Variants in POU6F2 observed in about 807,000 individuals in gnomAD.
The protein encoded by POU6F2 is POU domain, class 6, transcription factor 2.
A neutral mutation model predicts 71.3 loss-of-function variants in POU6F2; 31 were observed. The observed-to-expected ratio is 0.43, with a 90% CI of 0.33 to 0.59. POU6F2 has a LOEUF of 0.59. Ranked by LOEUF, POU6F2 falls within the 20% of genes least tolerant of loss-of-function variation. The pLI is 0.04. For missense variants in POU6F2, 783 were observed against 856.8 expected, an observed-to-expected ratio of 0.91 and a Z score of 1.07; for synonymous variants, 347 against 355.7, an observed-to-expected ratio of 0.98 and a Z score of 0.27.
At chr7:39,180,247 C>T (rs1178001515) in intron 2 of POU6F2, among the ~76,000 whole-genome samples, 4 of 152,064 alleles carry the variant, frequency 2.6e-5, no homozygotes, top group East Asian at 1.9e-4. Context: ...GCTTTCTCAG[C>T]GGAGGGTCTA....
At chr7:39,040,157 A>AATCCAGAT (rs150469964) in intron 1 of POU6F2, among the ~76,000 whole-genome samples, 12,619 of 90,556 alleles carry the variant, frequency 0.14, 961 homozygotes, top group Non-Finnish European at 0.2. Context: ...TGACTGAGTT[A>AATCCAGAT]ATCCAGATAT....
intron 5 of POU6F2, among the ~76,000 whole-genome samples, chr7:39,396,160 A>G (rs1055647862): frequency 2.0e-5 from 3 of 152,224 alleles, no homozygotes; most frequent in African/African-American, 7.2e-5. Context: ...TTGTCTACAT[A>G]TAACTTGGAT....
Position 39,159,455 on chromosome 7 carries a change from G to A in POU6F2, c.278-44780G>A, listed in dbSNP as rs569648256. ...ATAATTAACCCAGTCAGAAGTTATT[G>A]TCCAAAGACTTACACTTTTATAGCT... On this transcript the variant is annotated intron_variant, in intron 2 of 9. Coordinates refer to ENST00000518318, the MANE Select transcript of POU6F2 (RefSeq NM_001370959.1). Among the ~76,000 whole-genome samples, 268 of 152,258 alleles carry A rather than the reference G, an allele frequency of 1.8e-3. 1 individual carries two copies. Among genetic ancestry groups the A allele is most frequent in the African/African-American group, 6.1e-3 (252 of 41,552 alleles).
chr7:39,367,536 AT>A (rs2115738224), intron 5 of POU6F2, among the ~76,000 whole-genome samples: 1 of 152,320 alleles, frequency 6.6e-6, no homozygotes, highest in African/African-American at 2.4e-5. Context: ...TTTTAAAAGC[AT>A]TTTGCCCCCA....
At chr7:39,023,366 T>A (rs1215593925) in intron 1 of POU6F2, among the ~76,000 whole-genome samples, 1 of 152,078 alleles carries the variant, frequency 6.6e-6, no homozygotes, top group East Asian at 1.9e-4. Context: ...TTTCTTTTGT[T>A]GTTTGTGCTT....
At chr7:39,201,449 G>A (rs1210828604) in intron 2 of POU6F2, among the ~76,000 whole-genome samples, 4 of 152,174 alleles carry the variant, frequency 2.6e-5, no homozygotes, top group Non-Finnish European at 5.9e-5. Flanking sequence ...CTATCTTAAA[G>A]GAATTATATC....
chr7:39,159,473 T>G (rs1290216282), intron 2 of POU6F2, among the ~76,000 whole-genome samples: 2 of 152,210 alleles, frequency 1.3e-5, no homozygotes, highest in Non-Finnish European at 2.9e-5. Flanking sequence ...ACTTACACTT[T>G]TATAGCTTTG....
intron 4 of POU6F2, among the ~76,000 whole-genome samples, 182 bp downstream of exon 4, chr7:39,207,802 CA>C (rs1794052895): frequency 6.6e-6 from 1 of 152,200 alleles, no homozygotes; most frequent in Non-Finnish European, 1.5e-5. Flanking sequence ...TGAGCCTGCA[CA>C]AGCCATTGGT....
intron 2 of POU6F2, among the ~76,000 whole-genome samples, chr7:39,186,834 T>C (rs1320304709): frequency 6.6e-6 from 1 of 152,150 alleles, no homozygotes; most frequent in Non-Finnish European, 1.5e-5. Flanking sequence ...CTGACACACC[T>C]GTGGGCTCTA....
At chr7:39,014,073 A>G (rs975329013) in intron 1 of POU6F2, among the ~76,000 whole-genome samples, 5 of 152,208 alleles carry the variant, frequency 3.3e-5, no homozygotes, top group East Asian at 1.9e-4. Flanking sequence ...TTAGCCTACT[A>G]TAGATTTTCC....
chr7:38,995,155 G>C (rs1302557113), intron 1 of POU6F2, among the ~76,000 whole-genome samples: 1 of 152,176 alleles, frequency 6.6e-6, no homozygotes, highest in Non-Finnish European at 1.5e-5. Flanking sequence ...TTTAAAAAGG[G>C]ATCAAAAGTA....
At chr7:39,340,752 C>CAT (rs149719876) in intron 5 of POU6F2, among the ~76,000 whole-genome samples, 3,752 of 35,584 alleles carry the variant, frequency 0.11, 66 homozygotes, top group South Asian at 0.16. Context: ...TAGGTGCATT[C>CAT]ATATATATAT....
At chr7:39,334,079 TA>T (rs1313640885) in intron 4 of POU6F2, among the ~76,000 whole-genome samples, 1 of 152,112 alleles carries the variant, frequency 6.6e-6, no homozygotes, top group Non-Finnish European at 1.5e-5. Flanking sequence ...ATGTTTTCAT[TA>T]GAAGAATTTA....
chr7:39,404,058 G>A (rs1169349504), intron 5 of POU6F2, among the ~76,000 whole-genome samples: 4 of 152,152 alleles, frequency 2.6e-5, no homozygotes, highest in African/African-American at 9.7e-5. Context: ...CATTAAGAGG[G>A]AAAGGCAGCA....
At position 39,072,598 on chromosome 7, in the gene POU6F2, T is replaced by G. The variant is rs114838072; in HGVS notation, c.106-13262T>G. Among the ~76,000 whole-genome samples the G allele has an allele frequency of 2.2e-3, 336 of 152,290 alleles. 2 individuals are homozygous for G. The highest frequency in any genetic ancestry group is 7.6e-3 in the African/African-American group (317 of 41,566). On this transcript the variant is annotated intron_variant, in intron 1 of 9. Transcript: ENST00000518318. ...AGCCATTCTAGGTGCTTGAGGATAT[T>G]AAGTCAGCAATTCTTTACAAATACG...
chr7:39,029,159 A>G (rs1178385488), intron 1 of POU6F2, among the ~76,000 whole-genome samples: 13 of 152,082 alleles, frequency 8.5e-5, no homozygotes, highest in Admixed American at 7.9e-4. Context: ...AACTTTTCAT[A>G]TTATTATTAA....
At chr7:39,397,467 C>CAGAG (rs1376899693) in intron 5 of POU6F2, among the ~76,000 whole-genome samples, 3 of 66,528 alleles carry the variant, frequency 4.5e-5, no homozygotes, top group Non-Finnish European at 8.1e-5. Flanking sequence ...TATATATAGA[C>CAGAG]ATAGAGAGAG....
At chr7:39,419,689 T>TA (rs1312031913) in intron 6 of POU6F2, among the ~76,000 whole-genome samples, 1 of 152,226 alleles carries the variant, frequency 6.6e-6, no homozygotes, top group East Asian at 1.9e-4. Flanking sequence ...GGGGTTGTTG[T>TA]AAAAAGTAAA....
intron 4 of POU6F2, among the ~76,000 whole-genome samples, chr7:39,246,831 A>G (rs1562761669): frequency 6.6e-6 from 1 of 150,960 alleles, no homozygotes; most frequent in East Asian, 2.0e-4. Flanking sequence ...TTTCTAGCCA[A>G]AGAGAGAGAG....
Sources: gnomAD v4.1 joint callset for allele counts (sites outside exome capture counted in the v4.1 genomes callset) on GRCh38, gnomAD v4.1.1 for gene constraint, MANE v1.5 for transcripts, NCBI Gene and HGNC (gene_info 2026-07-23, HGNC 2026-07-21) for gene names.